Variants in STK32B observed in about 807,000 individuals in gnomAD.
The protein encoded by STK32B is serine/threonine-protein kinase 32B.
A neutral mutation model predicts 52.6 loss-of-function variants in STK32B; 43 were observed. That is an observed-to-expected ratio of 0.82 (90% CI 0.64 to 1.05). STK32B has a LOEUF of 1.05. Ranked by LOEUF, STK32B falls within the 50% of genes least tolerant of loss-of-function variation. The pLI, the probability that STK32B is intolerant of heterozygous loss-of-function variation, is 0.00. For synonymous variants in STK32B, 238 were observed against 204.3 expected, an observed-to-expected ratio of 1.17 and a Z score of -1.41; for missense variants, 621 against 534.6, an observed-to-expected ratio of 1.16 and a Z score of -1.59.
At chr4:5,313,101 A>T (rs1168606742) in intron 3 of STK32B, among the ~76,000 whole-genome samples, 1 of 144,802 alleles carries the variant, frequency 6.9e-6, no homozygotes, top group Non-Finnish European at 1.5e-5. Flanking sequence ...AGCAAAAGTA[A>T]TTGTGGTTTT....
At chr4:5,164,860 G>A (rs1718747699) in intron 2 of STK32B, among the ~76,000 whole-genome samples, 2 of 152,238 alleles carry the variant, frequency 1.3e-5, no homozygotes, top group South Asian at 2.1e-4. Flanking sequence ...CAGTGCATTA[G>A]ATTTAGCTTA....
intron 2 of STK32B, among the ~76,000 whole-genome samples, chr4:5,146,929 G>A (rs968144003): frequency 2.0e-5 from 3 of 152,064 alleles, no homozygotes; most frequent in South Asian, 2.1e-4. Flanking sequence ...AAATTTTGGA[G>A]TTGCTTATCA....
chr4:5,421,897 A>AGCT (rs1712681126), intron 6 of STK32B, among the ~76,000 whole-genome samples: 1 of 152,228 alleles, frequency 6.6e-6, no homozygotes, highest in African/African-American at 2.4e-5. Context: ...AGGGCCACAC[A>AGCT]GCTGGTCAGT....
intron 3 of STK32B, among the ~76,000 whole-genome samples, chr4:5,268,203 A>G (rs962180134): frequency 6.6e-6 from 1 of 152,136 alleles, no homozygotes; most frequent in Non-Finnish European, 1.5e-5. Context: ...GCACAGTTCT[A>G]CCACACTCCG....
chr4:5,040,193 T>C, the STK32B span, among the ~76,000 whole-genome samples: 1 of 152,160 alleles, frequency 6.6e-6, no homozygotes, highest in Non-Finnish European at 1.5e-5. Flanking sequence ...CCAGTGGCCA[T>C]GTGCTCAGCT....
intron 6 of STK32B, among the ~76,000 whole-genome samples, chr4:5,437,722 TG>T (rs1402117598): frequency 2.6e-5 from 4 of 152,150 alleles, no homozygotes; most frequent in African/African-American, 9.7e-5. Context: ...GTTGGGTGGT[TG>T]GGAGAATTAA....
chr4:5,074,589 G>T (rs1029443414), intron 1 of STK32B, among the ~76,000 whole-genome samples: 1 of 151,776 alleles, frequency 6.6e-6, no homozygotes, highest in Middle Eastern at 3.2e-3. Flanking sequence ...ATTGTAGATG[G>T]TATATTATAG....
intron 4 of STK32B, among the ~76,000 whole-genome samples, chr4:5,355,056 A>C (rs1734081357): frequency 1.3e-5 from 2 of 152,068 alleles, no homozygotes; most frequent in Admixed American, 1.3e-4. Flanking sequence ...CAAAACCTTG[A>C]CTTTCCATGC....
intron 3 of STK32B, among the ~76,000 whole-genome samples, chr4:5,262,057 C>A (rs1442145013): frequency 6.6e-6 from 1 of 152,146 alleles, no homozygotes; most frequent in African/African-American, 2.4e-5. Context: ...ATTGCTGATT[C>A]TCCGTCGTGC....
chr4:5,139,633 G>A, intron 1 of STK32B: 1 of 453,120 alleles, frequency 2.2e-6, no homozygotes, highest in East Asian at 3.5e-5. Flanking sequence ...AGGCAGAAGT[G>A]GGGTAGAGAG....
At chr4:5,224,787 C>G (rs1360029190) in intron 3 of STK32B, among the ~76,000 whole-genome samples, 4 of 151,930 alleles carry the variant, frequency 2.6e-5, no homozygotes, top group African/African-American at 7.3e-5. Context: ...CATATCAACT[C>G]TGAGTATAAA....
intron 4 of STK32B, among the ~76,000 whole-genome samples, chr4:5,350,603 CAATT>C (rs1363214408): frequency 3.3e-5 from 5 of 152,074 alleles, no homozygotes; most frequent in Non-Finnish European, 5.9e-5. Context: ...AACTAGAAAT[CAATT>C]AATTAAATGA....
intron 3 of STK32B, among the ~76,000 whole-genome samples, chr4:5,257,808 C>T (rs554911822): frequency 4.7e-4 from 71 of 152,208 alleles, no homozygotes; most frequent in African/African-American, 1.4e-3. Flanking sequence ...CTCTGTGTGG[C>T]GGCATGGGCC....
At position 5,458,044 on chromosome 4, in the gene STK32B, C is replaced by T. The variant is rs373256113; in HGVS notation, c.783+1121C>T. ...GCTATTAGACTAAAGCAGTGGTTCCCAAGGTATGGGCCTAGGACCAGCCAG... is the reference window on the plus strand; with the variant it reads ...GCTATTAGACTAAAGCAGTGGTTCCTAAGGTATGGGCCTAGGACCAGCCAG... On this transcript the variant is annotated intron_variant, in intron 8 of 11. Transcript: ENST00000282908. Among the ~76,000 whole-genome samples the T allele has an allele frequency of 1.2e-4, 18 of 152,192 alleles. 1 individual carries two copies. The highest frequency in any genetic ancestry group is 3.4e-3 in the Middle Eastern group (1 of 294).
At chr4:5,045,093 G>T in the STK32B span, among the ~76,000 whole-genome samples, 1 of 152,166 alleles carries the variant, frequency 6.6e-6, no homozygotes, top group Admixed American at 6.5e-5. Context: ...GAGTTGGAGG[G>T]GCCCTTTAAA....
the STK32B span, among the ~76,000 whole-genome samples, chr4:5,044,958 T>G: frequency 6.6e-6 from 1 of 152,148 alleles, no homozygotes; most frequent in Admixed American, 6.5e-5. Flanking sequence ...TGTCCAGGAC[T>G]AGCCACTTCT....
chr4:5,466,391 G>T (rs1289095564), intron 9 of STK32B, among the ~76,000 whole-genome samples: 2 of 152,134 alleles, frequency 1.3e-5, no homozygotes, highest in African/African-American at 4.8e-5. Context: ...AAAATAATAA[G>T]TGAAAAAATC....
chr4:5,443,365 T>C (rs1347707697), intron 6 of STK32B, among the ~76,000 whole-genome samples: 2 of 152,084 alleles, frequency 1.3e-5, no homozygotes, highest in African/African-American at 4.8e-5. Context: ...TCATCTTCCA[T>C]TGCTGATACC....
intron 2 of STK32B, among the ~76,000 whole-genome samples, chr4:5,156,957 G>T (rs7698183): frequency 4.0e-5 from 6 of 151,768 alleles, no homozygotes; most frequent in African/African-American, 1.5e-4. Flanking sequence ...AAGACTCTTT[G>T]CAGGCTCTCA....
Sources: gnomAD v4.1 joint callset for allele counts (sites outside exome capture counted in the v4.1 genomes callset) on GRCh38, gnomAD v4.1.1 for gene constraint, MANE v1.5 for transcripts, NCBI Gene and HGNC (gene_info 2026-07-23, HGNC 2026-07-21) for gene names.